TP73: variants seen among roughly 807,000 people sequenced by gnomAD.
TP73 encodes p53-like transcription factor.
Under a neutral mutation model 62.5 loss-of-function variants are expected in TP73, and 25 were observed. That is an observed-to-expected ratio of 0.40 (90% CI 0.29 to 0.56). The LOEUF is 0.56. Ranked by LOEUF, TP73 falls within the 20% of genes least tolerant of loss-of-function variation. The pLI is 0.46. For missense variants in TP73, 754 were observed against 913.3 expected, an observed-to-expected ratio of 0.83 and a Z score of 2.25; for synonymous variants, 423 against 377.5, an observed-to-expected ratio of 1.12 and a Z score of -1.40.
Position 3,726,813 on chromosome 1 carries a change from GTGGA to G in TP73, c.733-288_733-285del, listed in dbSNP as rs1241430374. Among the ~76,000 whole-genome samples the G allele has an allele frequency of 5.2e-4, 78 of 149,122 alleles. 1 individual carries two copies. The highest frequency in any genetic ancestry group is 3.6e-3 in the Middle Eastern group (1 of 274). ...GGATGGGTAGATAATAAATGGGGGA[GTGGA>G]TGGATGGATGGATAGATGGGTGGGT... On this transcript the variant is annotated intron_variant, in intron 6 of 13. Transcript: ENST00000378295.
Position 3,696,149 on chromosome 1 carries a change from A to G in TP73, c.187-11400A>G, listed in dbSNP as rs544436482. 1.6e-4 allele frequency among the ~76,000 whole-genome samples: 24 copies of G among 152,060 alleles called. No individual in the cohort carries two copies. Among genetic ancestry groups the G allele is most frequent in the Non-Finnish European group, 2.9e-4 (20 of 67,996 alleles). On this transcript the variant is annotated intron_variant, in intron 3 of 13. Transcript: ENST00000378295. This position sits in a 1 kb window ranked among gnomAD's most constrained non-coding sequence, Gnocchi z 4.1. ...GTGGTCCTGGGGCCTGAAAAGTGTG[A>G]CCACCTGGTGGCTCAGTCCTGTGTG...
At position 3,690,620 on chromosome 1, in the gene TP73, C is replaced by T. The variant is rs1645790802; in HGVS notation, c.186+7440C>T. ...CGGGCAAGCTGAGGCCTGCCCCGGA[C>T]TTGGATGAATACTCATGAGGAATAA... On this transcript the variant is annotated intron_variant, in intron 3 of 13. Transcript: ENST00000378295. 4 of 1,314,540 alleles carry T rather than the reference C, an allele frequency of 3.0e-6. No homozygotes were observed. In the South Asian group the frequency reaches 6.8e-5, roughly 22 times the overall value. The allele number at this position is 1,314,540 out of a possible 1,614,324, so 81.4% of individuals were successfully genotyped here. A position where few individuals can be genotyped will look rare whatever the true frequency, so the allele number is the denominator to read the frequency against.
chr1:3,667,573 A>T (rs1301455900), intron 1 of TP73, among the ~76,000 whole-genome samples: 1 of 151,912 alleles, frequency 6.6e-6, no homozygotes, highest in African/African-American at 2.4e-5. Flanking sequence ...ACATGGTGAA[A>T]CCCCGTTTCT....
intron 4 of TP73, among the ~76,000 whole-genome samples, chr1:3,714,008 C>T (rs1640381426): frequency 2.0e-5 from 3 of 152,114 alleles, no homozygotes; most frequent in African/African-American, 7.2e-5. Flanking sequence ...GGGTTGCAAA[C>T]CCACCCCTCC....
chr1:3,703,649 G>A (rs758606188), intron 3 of TP73, among the ~76,000 whole-genome samples: 6 of 152,242 alleles, frequency 3.9e-5, no homozygotes, highest in Non-Finnish European at 8.8e-5. Context: ...TATGAAACAC[G>A]TTGTCGTGGG....
In TP73 at chr1:3,730,106, C is replaced by A; in HGVS notation, c.1303C>A (p.Pro435Thr). ...CGTCAACCAGCTGGTGGGCCAGCCT[C>A]CCCCGCACAGTTCGGCAGCTACACC... ...PSVNQLVGQP[P>T]PHSSAATPNL... The change falls in exon 11 of 14, where the codon CCC becomes ACC. Residue 435 changes from proline to threonine, a missense_variant. By Grantham distance (38) the Pro-to-Thr change is conservative (BLOSUM62 -1). This residue lies in a region of TP73 where 458 missense variants were observed against 528.7 expected (regional missense o/e 0.87). Coordinates refer to ENST00000378295, the MANE Select transcript of TP73 (RefSeq NM_005427.4). The A allele has an allele frequency of 6.3e-7, 1 of 1,582,254 alleles. No individual in the cohort carries two copies. Among genetic ancestry groups the A allele is most frequent in the Non-Finnish European group, 8.6e-7 (1 of 1,164,606 alleles).
At chr1:3,726,425 TGTTGGG>T (rs1641614003) in intron 6 of TP73, among the ~76,000 whole-genome samples, 1 of 80,886 alleles carries the variant, frequency 1.2e-5, no homozygotes, top group Admixed American at 1.4e-4. Flanking sequence ...ATGGGGTGGG[TGTTGGG>T]GGTGGACGTG....
Position 3,696,095 on chromosome 1 carries a change from C to T in TP73, c.187-11454C>T, listed in dbSNP as rs1308336835. ...GGAGGAGGACGACGAGCGAGCAGTTCCCAAAGCCCCATGAGGGAGGGGTTT... is the reference window on the plus strand; with the variant it reads ...GGAGGAGGACGACGAGCGAGCAGTTTCCAAAGCCCCATGAGGGAGGGGTTT... On this transcript the variant is annotated intron_variant, in intron 3 of 13. Coordinates refer to ENST00000378295, the MANE Select transcript of TP73 (RefSeq NM_005427.4). This position sits in a 1 kb window ranked among gnomAD's most constrained non-coding sequence, Gnocchi z 4.1. Among the ~76,000 whole-genome samples, 3 of 152,128 alleles carry T rather than the reference C, an allele frequency of 2.0e-5. No homozygotes were observed. The highest frequency in any genetic ancestry group is 6.5e-5 in the Admixed American group (1 of 15,286).
intron 1 of TP73, among the ~76,000 whole-genome samples, chr1:3,671,323 C>T (rs913447282): frequency 1.3e-5 from 2 of 152,188 alleles, no homozygotes; most frequent in African/African-American, 4.8e-5. Flanking sequence ...TGGTCCTGTA[C>T]CCTGTCCAGC....
chr1:3,667,310 A>G (rs959701721), intron 1 of TP73, among the ~76,000 whole-genome samples: 3 of 152,234 alleles, frequency 2.0e-5, no homozygotes, highest in Non-Finnish European at 4.4e-5. Flanking sequence ...CCTGGTACCC[A>G]TCTCGGACTC....
At chr1:3,676,606 T>C (rs1203808156) in intron 1 of TP73, among the ~76,000 whole-genome samples, 1 of 151,792 alleles carries the variant, frequency 6.6e-6, no homozygotes, top group Non-Finnish European at 1.5e-5. Context: ...GGCTGCGGAC[T>C]CCTCCCCACA....
At position 3,730,115 on chromosome 1, in the gene TP73, AGTT is replaced by A. The variant is rs1415392621; in HGVS notation, c.1313_1315del (p.Ser438_Ser439delinsThr). 79 of 1,572,412 alleles carry A rather than the reference AGTT, an allele frequency of 5.0e-5. No individual in the cohort carries two copies. Among genetic ancestry groups the A allele is most frequent in the Non-Finnish European group, 6.4e-5 (74 of 1,158,804 alleles). On this transcript the variant is annotated inframe_deletion, in exon 11 of 14. Transcript: ENST00000378295. ...GCTGGTGGGCCAGCCTCCCCCGCAC[AGTT>A]CGGCAGCTACACCCAACCTGGGGCC...
intron 5 of TP73, among the ~76,000 whole-genome samples, chr1:3,722,741 C>T (rs1460462884): frequency 6.8e-6 from 1 of 147,254 alleles, no homozygotes; most frequent in African/African-American, 2.6e-5. Flanking sequence ...CTCTCTTCAC[C>T]TGGCATGGGG....
chr1:3,723,520 T>C, intron 6 of TP73, 51 bp downstream of exon 6: 17 of 588,142 alleles, frequency 2.9e-5, no homozygotes, highest in South Asian at 3.7e-5. Context: ...GCTGTACGGG[T>C]CGGGGGAGGG....
chr1:3,696,528 C>T lies in TP73; in HGVS notation c.187-11021C>T, dbSNP rs560247157. ...GGCTGGAGCTGAGCACTGGGCACTA[C>T]GACATCCGAGACACCAAGCAGAGGG... On this transcript the variant is annotated intron_variant, in intron 3 of 13. Coordinates refer to ENST00000378295, the MANE Select transcript of TP73 (RefSeq NM_005427.4). The surrounding 1 kb of genome is among the most constrained non-coding windows in gnomAD (Gnocchi z 4.1). Among the ~76,000 whole-genome samples the T allele has an allele frequency of 1.4e-3, 205 of 151,636 alleles. No homozygotes were observed. Among genetic ancestry groups the T allele is most frequent in the Non-Finnish European group, 2.7e-3 (180 of 67,892 alleles).
At chr1:3,708,047 C>A in intron 4 of TP73, 1 of 587,292 alleles carries the variant, frequency 1.7e-6, no homozygotes, top group Non-Finnish European at 3.0e-6. Context: ...GGACTTGGCC[C>A]TGCTGGTGAG....
Position 3,732,940 on chromosome 1 carries a change from G to A in TP73, c.1772G>A (p.Arg591His), listed in dbSNP as rs769809364. 6.8e-6 allele frequency: 11 copies of A among 1,609,330 alleles called. No individual in the cohort carries two copies. Among genetic ancestry groups the A allele is most frequent in the African/African-American group, 4.0e-5 (3 of 74,890 alleles). Reference sequence around the variant, plus strand: ...ATGGAGGCCGTGCACTTCCGCGTGCGCCACACCATCACCATCCCCAACCGC... The same window carrying A: ...ATGGAGGCCGTGCACTTCCGCGTGCACCACACCATCACCATCCCCAACCGC... Reference protein sequence around the residue: ...RVMEAVHFRVRHTITIPNRGG... With the variant: ...RVMEAVHFRVHHTITIPNRGG... The change falls in exon 14 of 14, where the codon CGC becomes CAC. Residue 591 changes from arginine (R) to histidine (H), a missense_variant. Arg to His is a conservative substitution (Grantham distance 29). This residue lies in a region of TP73 where 458 missense variants were observed against 528.7 expected (regional missense o/e 0.87). Coordinates refer to ENST00000378295, the MANE Select transcript of TP73 (RefSeq NM_005427.4).
intron 4 of TP73, among the ~76,000 whole-genome samples, chr1:3,713,810 C>T (rs912691715): frequency 1.8e-4 from 28 of 152,110 alleles, no homozygotes; most frequent in South Asian, 6.2e-4. Context: ...GATTACGTGG[C>T]GGCCGAGGCT....
intron 1 of TP73, among the ~76,000 whole-genome samples, chr1:3,661,533 A>AC (rs1440888865): frequency 1.3e-5 from 2 of 150,982 alleles, no homozygotes; most frequent in Non-Finnish European, 2.9e-5. Context: ...ACATGGCAAA[A>AC]CCCCGTCTCT....
Sources: gnomAD v4.1 joint callset for allele counts (sites outside exome capture counted in the v4.1 genomes callset) on GRCh38, gnomAD v4.1.1 for gene constraint, gnomAD v4.1.1 regional missense constraint, Gnocchi (gnomAD v3.1) non-coding constraint, MANE v1.5 for transcripts, NCBI Gene and HGNC (gene_info 2026-07-23, HGNC 2026-07-21) for gene names.